The following CDH4 variants were observed in gnomAD, a reference collection of about 807,000 sequenced individuals.
CDH4 encodes the protein cadherin-4.
A neutral mutation model predicts 86.0 loss-of-function variants in CDH4; 33 were observed. The observed-to-expected ratio is 0.38, with a 90% CI of 0.29 to 0.51. CDH4 has a LOEUF of 0.51. CDH4 is among the 20% of genes least tolerant of loss of function. The pLI is 0.86. For missense variants in CDH4, 1,114 were observed against 1,307.4 expected, an observed-to-expected ratio of 0.85 and a Z score of 2.28; for synonymous variants, 555 against 549.4, an observed-to-expected ratio of 1.01 and a Z score of -0.14.
intron 2 of CDH4, among the ~76,000 whole-genome samples, chr20:61,492,992 T>C (rs1196263129): frequency 6.6e-6 from 1 of 152,210 alleles, no homozygotes; most frequent in Admixed American, 6.5e-5. Flanking sequence ...CCTGTCAGCC[T>C]GGGATGGTCA....
chr20:61,282,579 A>G (rs1251844917), intron 2 of CDH4, among the ~76,000 whole-genome samples: 2 of 145,428 alleles, frequency 1.4e-5, no homozygotes, highest in South Asian at 2.1e-4. Context: ...GTGTATGTCT[A>G]TCTGTACTTG....
rs534283642 is a variant in CDH4 at position 61,518,166 on chromosome 20, G to A, written c.170-225397G>A. ...TTCACTCACTGTGTCTGGGACACTA[G>A]GTGGGTGTTTATTCTGCCATCATCC... On this transcript the variant is annotated intron_variant, in intron 2 of 15. Coordinates refer to ENST00000614565, the MANE Select transcript of CDH4 (RefSeq NM_001794.5). The surrounding 1 kb of genome is among the most constrained non-coding windows in gnomAD (Gnocchi z 6.3). Among the ~76,000 whole-genome samples, 55 of 152,334 alleles carry A rather than the reference G, an allele frequency of 3.6e-4. No individual in the cohort carries two copies. Among genetic ancestry groups the A allele is most frequent in the African/African-American group, 1.3e-3 (52 of 41,570 alleles).
intron 2 of CDH4, among the ~76,000 whole-genome samples, chr20:61,302,693 C>G (rs2084392724): frequency 6.6e-6 from 1 of 152,134 alleles, no homozygotes; most frequent in African/African-American, 2.4e-5. Flanking sequence ...GTTTCGGTTC[C>G]CTGAGCATGG....
rs570415192 is a variant in CDH4, at chr20:61,836,261, C to T, written c.577-8407C>T. 6.6e-5 allele frequency among the ~76,000 whole-genome samples: 10 copies of T among 152,300 alleles called. No individual in the cohort carries two copies. In the South Asian group the frequency reaches 1.5e-3, roughly 22 times the overall value. On this transcript the variant is annotated intron_variant, in intron 4 of 15. Coordinates refer to ENST00000614565, the MANE Select transcript of CDH4 (RefSeq NM_001794.5). ...AACTGGCCTTTGTTTCCAGAAGAGC[C>T]GGGAGAGTCTCCTGCAATCCCATGC...
chr20:61,896,363 C>A (rs950752847), intron 8 of CDH4, among the ~76,000 whole-genome samples: 1 of 152,234 alleles, frequency 6.6e-6, no homozygotes, highest in African/African-American at 2.4e-5. Flanking sequence ...CCACAGCGGC[C>A]GTCCCGCATC....
intron 2 of CDH4, among the ~76,000 whole-genome samples, chr20:61,498,037 T>TCA (rs1294751729): frequency 8.5e-6 from 1 of 118,142 alleles, no homozygotes; most frequent in Non-Finnish European, 1.6e-5. Flanking sequence ...AAGGGGAACA[T>TCA]CACACACAGG....
intron 3 of CDH4, among the ~76,000 whole-genome samples, chr20:61,763,171 G>T (rs540756838): frequency 2.0e-5 from 3 of 152,296 alleles, no homozygotes; most frequent in East Asian, 3.9e-4. Context: ...AATATACCAC[G>T]GATCTGGTGT....
At chr20:61,539,788 C>G (rs780693810) in intron 2 of CDH4, among the ~76,000 whole-genome samples, 1 of 152,346 alleles carries the variant, frequency 6.6e-6, no homozygotes, top group South Asian at 2.1e-4. Flanking sequence ...AGGGACACGC[C>G]AGCTCTTGAC....
chr20:61,680,784 G>A (rs979639810), intron 2 of CDH4, among the ~76,000 whole-genome samples: 1 of 152,120 alleles, frequency 6.6e-6, no homozygotes, highest in African/African-American at 2.4e-5. Flanking sequence ...ACCTCGGACA[G>A]CCTCAGCCAG....
intron 2 of CDH4, among the ~76,000 whole-genome samples, chr20:61,535,708 C>T (rs1052397267): frequency 2.6e-5 from 4 of 152,128 alleles, no homozygotes; most frequent in African/African-American, 9.7e-5. Flanking sequence ...GCTGCATACC[C>T]CTGAGCCTCC....
rs2146079272 is a variant in CDH4 at position 61,829,589 on chromosome 20, C to T, written c.577-15079C>T. Among the ~76,000 whole-genome samples the T allele has an allele frequency of 1.3e-5, 2 of 152,218 alleles. No individual in the cohort carries two copies. Among genetic ancestry groups the T allele is most frequent in the East Asian group, 3.9e-4 (2 of 5,184 alleles). ...GCCACGAGCCTGTTTTCCACGGCGG[C>T]TCTGCGGGCCTCCTGTTGAGGAAGC... is the stretch of plus-strand genomic sequence containing the variant. On this transcript the variant is annotated intron_variant, in intron 4 of 15. Transcript: ENST00000614565. This position sits in a 1 kb window ranked among gnomAD's most constrained non-coding sequence, Gnocchi z 4.2.
At chr20:61,693,015 G>A in intron 2 of CDH4, among the ~76,000 whole-genome samples, 1 of 152,106 alleles carries the variant, frequency 6.6e-6, no homozygotes. Context: ...CCAGCCCCGG[G>A]ATGGAGAGGA....
intron 2 of CDH4, among the ~76,000 whole-genome samples, chr20:61,379,589 C>A (rs117446556): frequency 6.6e-6 from 1 of 152,158 alleles, no homozygotes; most frequent in Non-Finnish European, 1.5e-5. Flanking sequence ...TCCTCTGCCT[C>A]ACCCCTATTG....
At chr20:61,861,316 C>T (rs1168642310) in intron 6 of CDH4, among the ~76,000 whole-genome samples, 1 of 152,228 alleles carries the variant, frequency 6.6e-6, no homozygotes, top group African/African-American at 2.4e-5. Context: ...TGCCAGGCAC[C>T]ACTCTTAAGT....
chr20:61,640,387 C>T (rs59129777), intron 2 of CDH4, among the ~76,000 whole-genome samples: 8,067 of 152,256 alleles, frequency 0.053, 262 homozygotes, highest in Middle Eastern at 0.086. Flanking sequence ...TGCATACATG[C>T]GAATCTGACT....
intron 2 of CDH4, among the ~76,000 whole-genome samples, chr20:61,263,914 T>C (rs1443461576): frequency 6.6e-6 from 1 of 152,202 alleles, no homozygotes; most frequent in African/African-American, 2.4e-5. Flanking sequence ...TCCAGGGTCA[T>C]TGAGGGTCAC....
At chr20:61,883,710 G>C (rs923099184) in intron 7 of CDH4, among the ~76,000 whole-genome samples, 1 of 152,166 alleles carries the variant, frequency 6.6e-6, no homozygotes, top group Non-Finnish European at 1.5e-5. Flanking sequence ...ACCCAGGGGT[G>C]GGGGGCCAAG....
chr20:61,570,442 C>A, intron 2 of CDH4: 1 of 539,568 alleles, frequency 1.9e-6, no homozygotes, highest in Non-Finnish European at 3.3e-6. Flanking sequence ...CTGGTGCTGC[C>A]TTGAGCTTGA....
At chr20:61,827,130 T>A (rs796678154) in intron 4 of CDH4, among the ~76,000 whole-genome samples, 2 of 152,280 alleles carry the variant, frequency 1.3e-5, no homozygotes, top group African/African-American at 4.8e-5. Context: ...TAGACCTCGG[T>A]GGATTTGACT....
Sources: allele counts gnomAD v4.1 joint callset (sites outside exome capture counted in the v4.1 genomes callset), GRCh38; gene constraint gnomAD v4.1.1; non-coding constraint Gnocchi (gnomAD v3.1); transcripts MANE v1.5; gene names NCBI Gene and HGNC (gene_info 2026-07-23, HGNC 2026-07-21).